RRAD: variants seen among roughly 807,000 people sequenced by gnomAD.
RRAD encodes RRAD, Ras related glycolysis inhibitor and calcium channel regulator.
RRAD carries 15 observed loss-of-function variants against 24.7 expected under a neutral mutation model. The observed-to-expected ratio is 0.61, with a 90% CI of 0.41 to 0.93. The LOEUF is 0.93. RRAD is among the 40% of genes least tolerant of loss of function. RRAD has a pLI of 0.00. For synonymous variants in RRAD, 180 were observed against 189.8 expected, an observed-to-expected ratio of 0.95 and a Z score of 0.43; for missense variants, 438 against 452.2, an observed-to-expected ratio of 0.97 and a Z score of 0.29.
chr16:66,921,985 C>T lies in RRAD; in HGVS notation c.*91G>A. On this transcript the variant is annotated 3_prime_UTR_variant, in exon 5 of 5. Coordinates refer to ENST00000299759, the MANE Select transcript of RRAD (RefSeq NM_004165.3). The stretch of plus-strand genomic sequence containing the variant: ...CTGGCAGCTCCGAGGGACCCAGAGT[C>T]TGAGCCTGCTCTGAGGCACCCGGGG... 1 of 1,209,110 alleles carries T rather than the reference C, an allele frequency of 8.3e-7. No homozygotes were observed. The highest frequency in any genetic ancestry group is 1.2e-6 in the Non-Finnish European group (1 of 857,900). 74.9% of individuals were successfully genotyped at this position (1,209,110 alleles called of 1,614,324 possible).
rs947889536 is a variant in RRAD at position 66,923,247 on chromosome 16, C to T, written c.649+269G>A. Among the ~76,000 whole-genome samples the T allele has an allele frequency of 2.0e-5, 3 of 152,176 alleles. No homozygotes were observed. The highest frequency in any genetic ancestry group is 4.4e-5 in the Non-Finnish European group (3 of 68,020). ...ACTCTCTTCCACCCATTTACCCCCC[C>T]AACCAGCCAGGCCAGGACCAAGAGG... On this transcript the variant is annotated intron_variant, in intron 4 of 4. Coordinates refer to ENST00000299759, the MANE Select transcript of RRAD (RefSeq NM_004165.3). This position sits in a 1 kb window ranked among gnomAD's most constrained non-coding sequence, Gnocchi z 4.9.
Position 66,923,650 on chromosome 16 carries a change from G to A in RRAD, c.515C>T (p.Thr172Met), listed in dbSNP as rs139791809. 2.5e-5 allele frequency: 41 copies of A among 1,613,956 alleles called. No homozygotes were observed. Among genetic ancestry groups the A allele is most frequent in the Middle Eastern group, 1.6e-4 (1 of 6,084 alleles). The part of the protein sequence containing the change: ...GDAYVIVYSV[T>M]DKGSFEKASE... ...GGCCTTCTCGAAGCTGCCCTTGTCC[G>A]TCACTGAGTACACAATGACATAGGC... The change falls in exon 4 of 5, where the codon ACG (threonine) becomes ATG (methionine). Residue 172 changes from threonine to methionine, a missense_variant. Physicochemically the swap from Thr to Met is moderately conservative, Grantham distance 81 (BLOSUM62 -1). Coordinates refer to ENST00000299759, the MANE Select transcript of RRAD (RefSeq NM_004165.3). The surrounding 1 kb of genome is among the most constrained non-coding windows in gnomAD (Gnocchi z 4.9).
In RRAD at chr16:66,923,713, C is replaced by A; in HGVS notation, c.452G>T (p.Gly151Val). The change falls in exon 4 of 5, where the codon GGC (glycine) becomes GTC (valine). Residue 151 changes from glycine (G) to valine (V), a missense_variant. Physicochemically the swap from Gly to Val is moderately radical, Grantham distance 109. Coordinates refer to ENST00000299759, the MANE Select transcript of RRAD (RefSeq NM_004165.3). This position sits in a 1 kb window ranked among gnomAD's most constrained non-coding sequence, Gnocchi z 4.9. ...CATGCAGTGGCCGGGCAACCAGCGGCCCCCGTCCTGGAGAACACACAACAC... is the reference window on the plus strand; with the variant it reads ...CATGCAGTGGCCGGGCAACCAGCGGACCCCGTCCTGGAGAACACACAACAC... The part of the protein sequence containing the change: ...MVYDIWEQDG[G>V]RWLPGHCMAM... The A allele has an allele frequency of 1.9e-6, 3 of 1,614,016 alleles. No individual in the cohort carries two copies. Among genetic ancestry groups the A allele is most frequent in the Non-Finnish European group, 2.5e-6 (3 of 1,179,990 alleles).
rs539727347 is a variant in RRAD, at chr16:66,923,240, AC to A, written c.649+275del. Among the ~76,000 whole-genome samples, 1 of 149,318 alleles carries A rather than the reference AC, an allele frequency of 6.7e-6. No homozygotes were observed. Among genetic ancestry groups the A allele is most frequent in the Non-Finnish European group, 1.5e-5 (1 of 67,302 alleles). On this transcript the variant is annotated intron_variant, in intron 4 of 4. Coordinates refer to ENST00000299759, the MANE Select transcript of RRAD (RefSeq NM_004165.3). The surrounding 1 kb of genome is among the most constrained non-coding windows in gnomAD (Gnocchi z 4.9). The stretch of plus-strand genomic sequence containing the variant: ...CCCCTACACTCTCTTCCACCCATTT[AC>A]CCCCCCAACCAGCCAGGCCAGGACC...
Position 66,922,302 on chromosome 16 carries a change from G to A in RRAD, c.701C>T (p.Ala234Val), listed in dbSNP as rs375403446. 7 of 1,609,394 alleles carry A rather than the reference G, an allele frequency of 4.3e-6. No homozygotes were observed. The highest frequency in any genetic ancestry group is 5.9e-6 in the Non-Finnish European group (7 of 1,176,816). The change falls in exon 5 of 5, where the codon GCG becomes GTG. Residue 234 changes from alanine (A) to valine (V), a missense_variant. Physicochemically the swap from Ala to Val is moderately conservative, Grantham distance 64 (BLOSUM62 0). Transcript: ENST00000299759. ...VFDCKFIETS[A>V]ALHHNVQALF... ...CGCCTGGACATTGTGGTGCAATGCC[G>A]CTGATGTCTCAATGAACTTGCAGTC...
Position 66,924,462 on chromosome 16 carries a change from C to T in RRAD, c.370+348G>A, listed in dbSNP as rs1241656653. On this transcript the variant is annotated intron_variant, in intron 2 of 4. Transcript: ENST00000299759. The surrounding 1 kb of genome is among the most constrained non-coding windows in gnomAD (Gnocchi z 4.2). ...TGGGCGGATCACGAGGTCAGAAATT[C>T]CAGACCAGCCTGGCCAACATGGTGA... 6.6e-6 allele frequency among the ~76,000 whole-genome samples: 1 copy of T among 152,092 alleles called. No individual in the cohort carries two copies. The highest frequency in any genetic ancestry group is 1.5e-5 in the Non-Finnish European group (1 of 68,006).
intron 4 of RRAD, 27 bp from the exon 5 acceptor site, chr16:66,922,380 C>T (rs1962928792): frequency 6.4e-7 from 1 of 1,562,506 alleles, no homozygotes; most frequent in African/African-American, 1.3e-5. Flanking sequence ...AGGCAGGCAC[C>T]AGTAAACAAA....
At position 66,924,838 on chromosome 16, in the gene RRAD, C is replaced by T. The variant is rs1490911605; in HGVS notation, c.342G>A (p.Val114=). ...KSALARIFGG[V]EDGPEAEAAG... is the part of the protein sequence containing the mutation. ...CTGCCTCTGCTTCAGGCCCGTCCTC[C>T]ACACCGCCGAAGATGCGCGCCAGGG... The change falls in exon 2 of 5, where the codon GTG becomes GTA. Residue 114 remains valine, a synonymous_variant. Coordinates refer to ENST00000299759, the MANE Select transcript of RRAD (RefSeq NM_004165.3). The surrounding 1 kb of genome is among the most constrained non-coding windows in gnomAD (Gnocchi z 4.2). The T allele has an allele frequency of 2.5e-6, 4 of 1,588,574 alleles. No homozygotes were observed. The highest frequency in any genetic ancestry group is 4.5e-5 in the East Asian group (2 of 44,358).
chr16:66,923,610 G>A lies in RRAD; in HGVS notation c.555C>T (p.Val185=), dbSNP rs1455213282. The A allele has an allele frequency of 1.2e-6, 2 of 1,613,714 alleles. No individual in the cohort carries two copies. The highest frequency in any genetic ancestry group is 2.7e-5 in the African/African-American group (2 of 74,820). The change falls in exon 4 of 5, where the codon GTC becomes GTT. Residue 185 remains valine, a synonymous_variant. Transcript: ENST00000299759. This position sits in a 1 kb window ranked among gnomAD's most constrained non-coding sequence, Gnocchi z 4.9. ...GSFEKASELR[V]QLRRARQTDD... ...CTGTTTGCCGTGCACGCCGCAGCTG[G>A]ACCCGCAGTTCTGAGGCCTTCTCGA...
At chr16:66,922,680 A>C (rs1463777067) in intron 4 of RRAD, among the ~76,000 whole-genome samples, 2 of 152,124 alleles carry the variant, frequency 1.3e-5, no homozygotes, top group Non-Finnish European at 2.9e-5. Flanking sequence ...TTAGTATTTT[A>C]TTTTATTTTA....
chr16:66,922,932 C>T (rs1453735416), intron 4 of RRAD, among the ~76,000 whole-genome samples: 5 of 152,224 alleles, frequency 3.3e-5, no homozygotes, highest in East Asian at 1.9e-4. Context: ...CCACCCGCCT[C>T]GGCCTCCCAA....
Position 66,923,580 on chromosome 16 carries a change from A to C in RRAD, c.585T>G (p.Asp195Glu). 6.2e-7 allele frequency: 1 copy of C among 1,612,792 alleles called. No homozygotes were observed. The highest frequency in any genetic ancestry group is 8.5e-7 in the Non-Finnish European group (1 of 1,179,908). ...TGTTGCCCACGAGGATGATGGGCAC[A>C]TCATCTGTTTGCCGTGCACGCCGCA... ...VQLRRARQTD[D>E]VPIILVGNKS... Residue 195 changes from aspartate (D) to glutamate (E), a missense_variant, in exon 4 of 5, where the codon GAT becomes GAG. Coordinates refer to ENST00000299759, the MANE Select transcript of RRAD (RefSeq NM_004165.3). This position sits in a 1 kb window ranked among gnomAD's most constrained non-coding sequence, Gnocchi z 4.9.
In RRAD at chr16:66,924,715, T is replaced by G. The variant is rs1962967904; in HGVS notation, c.370+95A>C. The G allele has an allele frequency of 3.5e-6, 3 of 849,336 alleles. No individual in the cohort carries two copies. Among genetic ancestry groups the G allele is most frequent in the Non-Finnish European group, 3.2e-6 (2 of 628,684 alleles). The allele number at this position is 849,336 out of a possible 1,614,324, so 52.6% of individuals were successfully genotyped here. A position where few individuals can be genotyped will look rare whatever the true frequency, so the allele number is the denominator to read the frequency against. ...TAATAATAATAACAACAACAACAAC[T>G]ATAATTCCACGGTATTTGCGGCTTT... On this transcript the variant is annotated intron_variant, in intron 2 of 4. Coordinates refer to ENST00000299759, the MANE Select transcript of RRAD (RefSeq NM_004165.3). This position sits in a 1 kb window ranked among gnomAD's most constrained non-coding sequence, Gnocchi z 4.2.
At position 66,924,121 on chromosome 16, in the gene RRAD, C is replaced by T. The variant is rs913950269; in HGVS notation, c.371-202G>A. On this transcript the variant is annotated intron_variant, in intron 2 of 4. Coordinates refer to ENST00000299759, the MANE Select transcript of RRAD (RefSeq NM_004165.3). The surrounding 1 kb of genome is among the most constrained non-coding windows in gnomAD (Gnocchi z 4.2). ...GCATGGTGTGCCTGACCTCCACCCA[C>T]ATGCCCCCCCTGGGGACCTTGGCCA... 6.6e-6 allele frequency among the ~76,000 whole-genome samples: 1 copy of T among 152,188 alleles called. No individual in the cohort carries two copies. The highest frequency in any genetic ancestry group is 2.4e-5 in the African/African-American group (1 of 41,444).
chr16:66,925,384 G>T lies in RRAD; in HGVS notation c.-16+25C>A. ...TGGCGCATCCATCTGCAGCCGCCCC[G>T]ACCCCGCTCCGCCAGGACACTCACC... On this transcript the variant is annotated intron_variant, in intron 1 of 4. Coordinates refer to ENST00000299759, the MANE Select transcript of RRAD (RefSeq NM_004165.3). The surrounding 1 kb of genome is among the most constrained non-coding windows in gnomAD (Gnocchi z 5.2). 1 of 390,664 alleles carries T rather than the reference G, an allele frequency of 2.6e-6. No homozygotes were observed. The allele number at this position is 390,664 out of a possible 1,614,324, so 24.2% of individuals were successfully genotyped here. A position where few individuals can be genotyped will look rare whatever the true frequency, so the allele number is the denominator to read the frequency against.
Position 66,923,753 on chromosome 16 carries a change from GTCC to G in RRAD, c.445-36_445-34del. Reference sequence around the variant, plus strand: ...ACACACAACACACATCTGCCCAACAGTCCTCATGCCCCCGACACGAGCCTGGCA... The same window carrying G: ...ACACACAACACACATCTGCCCAACAGTCATGCCCCCGACACGAGCCTGGCA... On this transcript the variant is annotated intron_variant, in intron 3 of 4. Transcript: ENST00000299759. The surrounding 1 kb of genome is among the most constrained non-coding windows in gnomAD (Gnocchi z 4.9). 1 of 1,613,056 alleles carries G rather than the reference GTCC, an allele frequency of 6.2e-7. No homozygotes were observed. Among genetic ancestry groups the G allele is most frequent in the South Asian group, 1.1e-5 (1 of 91,044 alleles).
Position 66,923,852 on chromosome 16 carries a change from C to T in RRAD, c.438G>A (p.Trp146Ter), listed in dbSNP as rs1962952926. The T allele has an allele frequency of 5.6e-6, 9 of 1,613,994 alleles. No individual in the cohort carries two copies. The highest frequency in any genetic ancestry group is 1.3e-5 in the African/African-American group (1 of 75,004). Reference sequence around the variant, plus strand: ...GTCTCTGCTTGCACCCTACCTGCTCCCAAATGTCGTAGACCATGAGTGATG... The same window carrying T: ...GTCTCTGCTTGCACCCTACCTGCTCTCAAATGTCGTAGACCATGAGTGATG... Reference protein sequence around the residue: ...EEASLMVYDIWEQDGGRWLPG... With the variant: ...EEASLMVYDI The change falls in exon 3 of 5, where the codon TGG becomes TGA. Residue 146 changes from tryptophan (W) to a stop codon, truncating the protein, a stop_gained. Transcript: ENST00000299759. LOFTEE classifies it high-confidence loss of function. This position sits in a 1 kb window ranked among gnomAD's most constrained non-coding sequence, Gnocchi z 4.9.
Position 66,925,317 on chromosome 16 carries a change from GC to G in RRAD, c.-16+91del. On this transcript the variant is annotated intron_variant, in intron 1 of 4. Transcript: ENST00000299759. The surrounding 1 kb of genome is among the most constrained non-coding windows in gnomAD (Gnocchi z 5.2). ...GAGGTCCCGCCGCAGCCCTCCCCCA[GC>G]CCCCAGGTCGCGGCGCCCTCACCCG... is the stretch of plus-strand genomic sequence containing the variant. The G allele has an allele frequency of 7.6e-6, 7 of 918,962 alleles. No individual in the cohort carries two copies. The highest frequency in any genetic ancestry group is 1.7e-5 in the African/African-American group (1 of 57,386). The allele number at this position is 918,962 out of a possible 1,614,324, so 56.9% of individuals were successfully genotyped here.
Position 66,923,771 on chromosome 16 carries a change from C to T in RRAD, c.445-51G>A, listed in dbSNP as rs767755675. ...CCCAACAGTCCTCATGCCCCCGACACGAGCCTGGCACTCCCAGACCTCTAA... is the reference window on the plus strand; with the variant it reads ...CCCAACAGTCCTCATGCCCCCGACATGAGCCTGGCACTCCCAGACCTCTAA... On this transcript the variant is annotated intron_variant, in intron 3 of 4. Coordinates refer to ENST00000299759, the MANE Select transcript of RRAD (RefSeq NM_004165.3). The surrounding 1 kb of genome is among the most constrained non-coding windows in gnomAD (Gnocchi z 4.9). 3.8e-5 allele frequency: 61 copies of T among 1,610,988 alleles called. No homozygotes were observed. The highest frequency in any genetic ancestry group is 2.2e-4 in the East Asian group (10 of 44,854).
Sources: gnomAD v4.1 joint callset for allele counts (sites outside exome capture counted in the v4.1 genomes callset) on GRCh38, gnomAD v4.1.1 for gene constraint, Gnocchi (gnomAD v3.1) non-coding constraint, MANE v1.5 for transcripts, NCBI Gene and HGNC (gene_info 2026-07-23, HGNC 2026-07-21) for gene names.